The following CUX2 variants were observed in gnomAD, a reference collection of about 807,000 sequenced individuals.
CUX2 encodes the protein cut like homeobox 2, also known as homeobox protein cut-like 2.
CUX2 carries 40 observed loss-of-function variants against 144.8 expected under a neutral mutation model. The ratio of observed to expected loss-of-function variants is 0.28; its 90% CI spans 0.21 to 0.36. The LOEUF is 0.36. Among genes scored for constraint, CUX2 ranks in the 10% least tolerant of loss-of-function variants. The pLI, the probability that CUX2 is intolerant of heterozygous loss-of-function variation, is 1.00. For missense variants in CUX2, 1,615 were observed against 1,994.0 expected (o/e 0.81, Z 3.62); for synonymous variants, 827 against 875.6 (o/e 0.94, Z 0.98).
At chr12:111,169,119 G>A (rs965272170) in intron 1 of CUX2, among the ~76,000 whole-genome samples, 1 of 152,124 alleles carries the variant, frequency 6.6e-6, no homozygotes, top group Non-Finnish European at 1.5e-5. Flanking sequence ...AGTAGGGTGG[G>A]CCCTAAATCT....
intron 4 of CUX2, among the ~76,000 whole-genome samples, chr12:111,271,098 C>T (rs576107021): frequency 2.0e-4 from 31 of 152,290 alleles, no homozygotes; most frequent in African/African-American, 6.5e-4. Context: ...GAGTGACAAG[C>T]GTCTGCTATT....
chr12:111,219,209 A>G (rs973354567), intron 3 of CUX2, among the ~76,000 whole-genome samples: 6 of 152,178 alleles, frequency 3.9e-5, no homozygotes, highest in Non-Finnish European at 5.9e-5. Context: ...GCTGATTTCC[A>G]TATTTTTCAT....
rs766384307 is a variant in CUX2 at position 111,347,607 on chromosome 12, C to T, written c.3743C>T (p.Pro1248Leu). 15 of 1,613,546 alleles carry T rather than the reference C, an allele frequency of 9.3e-6. No individual in the cohort carries two copies. The highest frequency in any genetic ancestry group is 8.9e-5 in the East Asian group (4 of 44,872). ...CCAAGCGGGGGTCCTGGAATCCTAC[C>T]GCCAGGCCACTCCCACCCAGACCCC... ...LDPSGGPGIL[P>L]PGHSHPDPTP... The change falls in exon 22 of 22, where the codon CCG (proline) becomes CTG (leucine). Residue 1248 changes from proline to leucine, a missense_variant. Transcript: ENST00000261726.
intron 1 of CUX2, among the ~76,000 whole-genome samples, chr12:111,056,109 C>G (rs1047845088): frequency 2.0e-5 from 3 of 152,130 alleles, no homozygotes; most frequent in African/African-American, 7.2e-5. Context: ...TTTGGGTGTT[C>G]TTGTCACTGG....
intron 6 of CUX2, among the ~76,000 whole-genome samples, chr12:111,294,876 C>G (rs943685591): frequency 6.6e-6 from 1 of 151,388 alleles, no homozygotes; most frequent in Non-Finnish European, 1.5e-5. Flanking sequence ...CCAGCCTGGG[C>G]GACAGAGCGA....
intron 1 of CUX2, among the ~76,000 whole-genome samples, chr12:111,121,101 C>CAA (rs768230942): frequency 2.6e-3 from 210 of 81,572 alleles, no homozygotes; most frequent in Middle Eastern, 8.2e-3. Flanking sequence ...GTTGTTACCA[C>CAA]AAAAAAAAAA....
At chr12:111,197,405 T>C (rs1446226900) in intron 1 of CUX2, among the ~76,000 whole-genome samples, 1 of 152,202 alleles carries the variant, frequency 6.6e-6, no homozygotes, top group Non-Finnish European at 1.5e-5. Context: ...ACTGTCAGCA[T>C]CACACAGGCA....
rs182066905 is a variant in CUX2, at chr12:111,075,943, C to T, written c.63+41703C>T. ...CTTCAGTAAGGGCTTAGCAGGTGGC[C>T]GGGAACTGTGCTAAGTGAACCCTAT... On this transcript the variant is annotated intron_variant, in intron 1 of 21. Coordinates refer to ENST00000261726, the MANE Select transcript of CUX2 (RefSeq NM_015267.4). 1.7e-3 allele frequency among the ~76,000 whole-genome samples: 256 copies of T among 152,206 alleles called. 2 individuals carry two copies. Among genetic ancestry groups the T allele is most frequent in the African/African-American group, 5.7e-3 (238 of 41,514 alleles).
intron 1 of CUX2, among the ~76,000 whole-genome samples, chr12:111,076,880 C>T (rs1388146387): frequency 6.6e-6 from 1 of 152,164 alleles, no homozygotes; most frequent in Non-Finnish European, 1.5e-5. Context: ...TTACTCTGCT[C>T]CTGTTTTTAT....
In CUX2 at chr12:111,261,449, C is replaced by T. The variant is rs181362735; in HGVS notation, c.223-2312C>T. ...CTCACAGGAGCCACCAGTGTTTGCACCTCCTCCTGTGCATTTGTTTTGTTT... is the reference window on the plus strand; with the variant it reads ...CTCACAGGAGCCACCAGTGTTTGCATCTCCTCCTGTGCATTTGTTTTGTTT... On this transcript the variant is annotated intron_variant, in intron 3 of 21. Coordinates refer to ENST00000261726, the MANE Select transcript of CUX2 (RefSeq NM_015267.4). Among the ~76,000 whole-genome samples, 96 of 149,836 alleles carry T rather than the reference C, an allele frequency of 6.4e-4. 1 individual carries two copies. The highest frequency in any genetic ancestry group is 1.0e-3 in the Non-Finnish European group (69 of 67,628).
At chr12:111,254,989 A>T (rs943608935) in intron 3 of CUX2, among the ~76,000 whole-genome samples, 1 of 152,178 alleles carries the variant, frequency 6.6e-6, no homozygotes, top group Non-Finnish European at 1.5e-5. Context: ...AGCTGAGATT[A>T]CAGGTACTCT....
Position 111,304,423 on chromosome 12 carries a change from A to C in CUX2, c.858+109A>C. On this transcript the variant is annotated intron_variant, in intron 10 of 21. Transcript: ENST00000261726. The surrounding 1 kb of genome is among the most constrained non-coding windows in gnomAD (Gnocchi z 4.7). ...TGACACTTTGTGGTTGATTGTGTGC[A>C]TCCATTTGAAACTGGGAGTGTGAAT... The C allele has an allele frequency of 1.2e-6, 1 of 840,616 alleles. No individual in the cohort carries two copies. 52.1% of individuals were successfully genotyped at this position (840,616 alleles called of 1,614,324 possible).
intron 1 of CUX2, among the ~76,000 whole-genome samples, chr12:111,105,213 C>G (rs2136074573): frequency 6.6e-6 from 1 of 152,274 alleles, no homozygotes; most frequent in African/African-American, 2.4e-5. Context: ...CTGCCTCTCC[C>G]CAGGCATTTA....
In CUX2 at chr12:111,293,689, G is replaced by T; in HGVS notation, c.560+120G>T. On this transcript the variant is annotated intron_variant, in intron 6 of 21. Transcript: ENST00000261726. This position sits in a 1 kb window ranked among gnomAD's most constrained non-coding sequence, Gnocchi z 4.5. Reference sequence around the variant, plus strand: ...AGAATCCAGATGCAGGCTGGAGACCGAGATGAGAAAGGGCCGAGGGCTTTG... The same window carrying T: ...AGAATCCAGATGCAGGCTGGAGACCTAGATGAGAAAGGGCCGAGGGCTTTG... 2 of 1,388,634 alleles carry T rather than the reference G, an allele frequency of 1.4e-6. No homozygotes were observed. The highest frequency in any genetic ancestry group is 1.9e-6 in the Non-Finnish European group (2 of 1,037,726). 86.0% of individuals were successfully genotyped at this position (1,388,634 alleles called of 1,614,324 possible). A position where few individuals can be genotyped will look rare whatever the true frequency, so the allele number is the denominator to read the frequency against.
intron 4 of CUX2, among the ~76,000 whole-genome samples, chr12:111,286,300 A>T (rs949731729): frequency 6.6e-6 from 1 of 151,916 alleles, no homozygotes; most frequent in Non-Finnish European, 1.5e-5. Context: ...GTCCTTAACC[A>T]CCCTACACAT....
rs1034816637 is a variant in CUX2 at position 111,334,350 on chromosome 12, C to T, written c.2927-91C>T. ...CAGTGGTTGCAAAATGGGTGTTTGGCAACTCTTGGCTGTAAGAAGCAAGCC... is the reference window on the plus strand; with the variant it reads ...CAGTGGTTGCAAAATGGGTGTTTGGTAACTCTTGGCTGTAAGAAGCAAGCC... On this transcript the variant is annotated intron_variant, in intron 18 of 21. Coordinates refer to ENST00000261726, the MANE Select transcript of CUX2 (RefSeq NM_015267.4). The T allele has an allele frequency of 8.5e-6, 12 of 1,404,024 alleles. No homozygotes were observed. The Admixed American group carries it at 2.3e-4, about 27-fold the overall frequency. 87.0% of individuals were successfully genotyped at this position (1,404,024 alleles called of 1,614,324 possible).
At chr12:111,276,305 C>G (rs1245781987) in intron 4 of CUX2, among the ~76,000 whole-genome samples, 1 of 152,042 alleles carries the variant, frequency 6.6e-6, no homozygotes, top group Non-Finnish European at 1.5e-5. Context: ...AGTGAGCTGC[C>G]AGGATTGCAC....
At chr12:111,140,544 C>T (rs1443470404) in intron 1 of CUX2, among the ~76,000 whole-genome samples, 3 of 152,192 alleles carry the variant, frequency 2.0e-5, no homozygotes, top group African/African-American at 7.2e-5. Flanking sequence ...TGGCTGGGTG[C>T]ATCCTCCTCT....
intron 18 of CUX2, among the ~76,000 whole-genome samples, chr12:111,325,010 G>A (rs1234946519): frequency 1.3e-5 from 2 of 151,568 alleles, no homozygotes; most frequent in Non-Finnish European, 1.5e-5. Flanking sequence ...TGCTGGCCGG[G>A]TGGGGTGCCT....
Sources: allele counts gnomAD v4.1 joint callset (sites outside exome capture counted in the v4.1 genomes callset), GRCh38; gene constraint gnomAD v4.1.1; non-coding constraint Gnocchi (gnomAD v3.1); transcripts MANE v1.5; gene names NCBI Gene and HGNC (gene_info 2026-07-23, HGNC 2026-07-21).